ZSWIM5: variants seen among roughly 807,000 people sequenced by gnomAD.
ZSWIM5 encodes the protein zinc finger SWIM-type containing 5.
In ZSWIM5, 55 loss-of-function variants were observed where a neutral mutation model predicts 119.6. The ratio of observed to expected loss-of-function variants is 0.46; its 90% CI spans 0.37 to 0.58. The LOEUF (loss-of-function observed/expected upper bound fraction) is 0.58, where lower values mean the gene tolerates loss of function less well. Ranked by LOEUF, ZSWIM5 falls within the 20% of genes least tolerant of loss-of-function variation. ZSWIM5 has a pLI of 0.00. For synonymous variants in ZSWIM5, 537 were observed against 606.9 expected, an observed-to-expected ratio of 0.88 and a Z score of 1.69; for missense variants, 1,193 against 1,512.8, an observed-to-expected ratio of 0.79 and a Z score of 3.51.
chr1:45,147,000 G>A lies in ZSWIM5; in HGVS notation c.595+58756C>T, dbSNP rs78377992. On this transcript the variant is annotated intron_variant, in intron 1 of 13. Coordinates refer to ENST00000359600, the MANE Select transcript of ZSWIM5 (RefSeq NM_020883.2). ...TATAAATGCTCTATGGTTTCCCCAC[G>A]TCCCAATGGACAAAAATGATATGTT... is the stretch of plus-strand genomic sequence containing the variant. 0.027 allele frequency among the ~76,000 whole-genome samples: 4,072 copies of A among 151,862 alleles called. 462 individuals carry two copies. The East Asian group carries it at 0.38, about 14-fold the overall frequency.
chr1:45,131,036 G>T (rs559179301), intron 1 of ZSWIM5, among the ~76,000 whole-genome samples: 91 of 152,280 alleles, frequency 6.0e-4, no homozygotes, highest in Non-Finnish European at 6.3e-4. Flanking sequence ...TTTTGAAATG[G>T]TAAAATTATA....
intron 1 of ZSWIM5, among the ~76,000 whole-genome samples, chr1:45,198,706 TAAAAAAATCTTCAAAAGGCA>T (rs1646140633): frequency 6.6e-6 from 1 of 152,110 alleles, no homozygotes; most frequent in African/African-American, 2.4e-5. Context: ...CCCTAATCTT[TAAAAAAATCTTCAAAAGGCA>T]CCAATTTTTC....
intron 1 of ZSWIM5, among the ~76,000 whole-genome samples, chr1:45,176,863 A>G (rs1645984431): frequency 6.6e-6 from 1 of 151,720 alleles, no homozygotes; most frequent in South Asian, 2.1e-4. Context: ...TGACATCTCA[A>G]ATTATATCCC....
intron 1 of ZSWIM5, among the ~76,000 whole-genome samples, chr1:45,164,002 C>T (rs1213230806): frequency 4.6e-5 from 7 of 152,110 alleles, no homozygotes; most frequent in Admixed American, 2.6e-4. Context: ...AAGAGCAACT[C>T]CAAGACACAT....
intron 1 of ZSWIM5, among the ~76,000 whole-genome samples, chr1:45,165,949 C>G (rs1200691302): frequency 6.6e-6 from 1 of 152,216 alleles, no homozygotes; most frequent in South Asian, 2.1e-4. Flanking sequence ...AAGAGGGAAT[C>G]CTCCCTAACT....
rs113314162 is a variant in ZSWIM5 at position 45,153,505 on chromosome 1, C to CAA, written c.595+52249_595+52250dup. Among the ~76,000 whole-genome samples the CAA allele has an allele frequency of 9.0e-4, 109 of 121,390 alleles. 1 individual carries two copies. Among genetic ancestry groups the CAA allele is most frequent in the African/African-American group, 1.3e-3 (46 of 34,328 alleles). The allele number at this position is 121,390 out of a possible 152,430, so 79.6% of individuals were successfully genotyped here. On this transcript the variant is annotated intron_variant, in intron 1 of 13. Transcript: ENST00000359600. ...TGGGCAACAGAGTGAGACTCTGTCTCAAAAAAAAAAAAAAGAATTAAAAAT... is the reference window on the plus strand; with the variant it reads ...TGGGCAACAGAGTGAGACTCTGTCTCAAAAAAAAAAAAAAAAGAATTAAAAAT...
intron 2 of ZSWIM5, among the ~76,000 whole-genome samples, chr1:45,087,484 G>C (rs1464805015): frequency 6.6e-6 from 1 of 152,150 alleles, no homozygotes; most frequent in Non-Finnish European, 1.5e-5. Context: ...GCTAATGTAG[G>C]GTCCTGAAAT....
chr1:45,020,826 A>T, intron 11 of ZSWIM5, 38 bp from the exon 12 acceptor site: 1 of 1,599,090 alleles, frequency 6.3e-7, no homozygotes, highest in African/African-American at 1.3e-5. Flanking sequence ...TCTATTTTAA[A>T]GTTTTACTAA....
intron 6 of ZSWIM5, 67 bp downstream of exon 6, chr1:45,043,152 A>G: frequency 2.0e-6 from 3 of 1,516,134 alleles, no homozygotes; most frequent in Non-Finnish European, 2.7e-6. Flanking sequence ...ACGTATGAAG[A>G]TGGCTCATTT....
intron 1 of ZSWIM5, among the ~76,000 whole-genome samples, chr1:45,151,882 T>C (rs966872368): frequency 6.6e-6 from 1 of 152,194 alleles, no homozygotes; most frequent in Non-Finnish European, 1.5e-5. Flanking sequence ...CCATCACCAC[T>C]ATTGAGATAA....
Position 45,205,820 on chromosome 1 carries a change from C to T in ZSWIM5, c.531G>A (p.Gly177=). 3 of 1,522,298 alleles carry T rather than the reference C, an allele frequency of 2.0e-6. No individual in the cohort carries two copies. The highest frequency in any genetic ancestry group is 2.4e-5 in the South Asian group (2 of 84,188). The allele number at this position is 1,522,298 out of a possible 1,614,324, so 94.3% of individuals were successfully genotyped here. ...GACGGATGCCCCGGCGGAACGGGAG[C>T]CCCTCGCCACCGCAGCCGGCCGCGC... ...GAGAAGCGGE[G]LPFRRGIRLL... The change falls in exon 1 of 14, where the codon GGG becomes GGA. Residue 177 remains glycine, a synonymous_variant. Transcript: ENST00000359600.
At chr1:45,148,242 G>A (rs1645774837) in intron 1 of ZSWIM5, among the ~76,000 whole-genome samples, 1 of 152,058 alleles carries the variant, frequency 6.6e-6, no homozygotes, top group South Asian at 2.1e-4. Context: ...CATCAAGAGA[G>A]GGAACACATT....
chr1:45,098,392 A>G (rs907999133), intron 1 of ZSWIM5, among the ~76,000 whole-genome samples: 2 of 152,224 alleles, frequency 1.3e-5, no homozygotes, highest in Non-Finnish European at 2.9e-5. Context: ...ATTTGAGATC[A>G]TAATAATCTC....
intron 11 of ZSWIM5, among the ~76,000 whole-genome samples, chr1:45,029,459 T>G (rs1476677780): frequency 2.0e-5 from 3 of 152,238 alleles, no homozygotes; most frequent in African/African-American, 7.2e-5. Flanking sequence ...AATCCATGTT[T>G]TTTACTTCAT....
chr1:45,074,149 G>A (rs1280198595), intron 2 of ZSWIM5, among the ~76,000 whole-genome samples: 2 of 151,946 alleles, frequency 1.3e-5, no homozygotes, highest in African/African-American at 2.4e-5. Flanking sequence ...TTTTGTTGAG[G>A]ATTTTTTGCA....
chr1:45,036,157 G>A lies in ZSWIM5; in HGVS notation c.2037C>T (p.Leu679=), dbSNP rs763792864. The A allele has an allele frequency of 6.2e-7, 1 of 1,614,076 alleles. No individual in the cohort carries two copies. The highest frequency in any genetic ancestry group is 8.5e-7 in the Non-Finnish European group (1 of 1,180,020). Residue 679 remains leucine (L), a synonymous_variant, in exon 9 of 14, where the codon CTC becomes CTT. Coordinates refer to ENST00000359600, the MANE Select transcript of ZSWIM5 (RefSeq NM_020883.2). The part of the protein sequence containing the change: ...LGQQRLMPEG[L]YAQDKVCRNE... ...TACGGCATACCTTGTCCTGTGCGTA[G>A]AGGCCTTCAGGCATTAACCTCTGTT...
chr1:45,116,388 TCTC>T (rs1223431586), intron 1 of ZSWIM5, among the ~76,000 whole-genome samples: 3 of 152,208 alleles, frequency 2.0e-5, no homozygotes, highest in Admixed American at 1.3e-4. Flanking sequence ...CAATCTCTTT[TCTC>T]CTCCTTCTAG....
chr1:45,154,924 C>A (rs1645818275), intron 1 of ZSWIM5, among the ~76,000 whole-genome samples: 2 of 152,050 alleles, frequency 1.3e-5, no homozygotes, highest in Admixed American at 1.3e-4. Flanking sequence ...GGACTTAAAT[C>A]TAAGACCTAA....
At chr1:45,092,249 T>G (rs971882049) in intron 1 of ZSWIM5, among the ~76,000 whole-genome samples, 2 of 152,104 alleles carry the variant, frequency 1.3e-5, no homozygotes, top group Non-Finnish European at 2.9e-5. Context: ...TTGTCACAGT[T>G]TTATGAATTT....
Sources: allele counts gnomAD v4.1 joint callset (sites outside exome capture counted in the v4.1 genomes callset), GRCh38; gene constraint gnomAD v4.1.1; transcripts MANE v1.5; gene names NCBI Gene and HGNC (gene_info 2026-07-23, HGNC 2026-07-21).